Variants in AMBRA1 observed in about 807,000 individuals in gnomAD.
AMBRA1 encodes activating molecule in BECN1-regulated autophagy protein 1.
In AMBRA1, 47 loss-of-function variants were observed where a neutral mutation model predicts 125.4. The ratio of observed to expected loss-of-function variants is 0.37; its 90% confidence interval spans 0.30 to 0.48. The LOEUF is 0.48. AMBRA1 is among the 20% of genes least tolerant of loss of function. The pLI is 0.99. For synonymous variants in AMBRA1, 626 were observed against 655.5 expected (o/e 0.95, Z 0.69); for missense variants, 1,331 against 1,693.4 (o/e 0.79, Z 3.76).
chr11:46,508,054 C>T, intron 9 of AMBRA1, 137 bp downstream of exon 9: 1 of 928,576 alleles, frequency 1.1e-6, no homozygotes, highest in Non-Finnish European at 1.6e-6. Flanking sequence ...TGTCCCTCAC[C>T]CCATCCTGCT....
chr11:46,508,300 G>C lies in AMBRA1; in HGVS notation c.2230C>G (p.Arg744Gly). ...CGGTTCTGTTGGTAGCGCATGGAGCGCTGGCGAATACTGTCTCTCCGTGAG... is the reference window on the plus strand; with the variant it reads ...CGGTTCTGTTGGTAGCGCATGGAGCCCTGGCGAATACTGTCTCTCCGTGAG... Reference protein sequence around the residue: ...YLSRRDSIRQRSMRYQQNRLR... With the variant: ...YLSRRDSIRQGSMRYQQNRLR... Residue 744 changes from arginine to glycine, a missense_variant, in exon 9 of 18, where the codon CGC (arginine) becomes GGC (glycine). Arg to Gly is a moderately radical substitution (Grantham distance 125). Coordinates refer to ENST00000683756, the MANE Select transcript of AMBRA1 (RefSeq NM_001387011.1). 6.2e-7 allele frequency: 1 copy of C among 1,614,198 alleles called. No individual in the cohort carries two copies. Among genetic ancestry groups the C allele is most frequent in the Non-Finnish European group, 8.5e-7 (1 of 1,180,018 alleles).
intron 11 of AMBRA1, among the ~76,000 whole-genome samples, chr11:46,444,270 T>C (rs1309354524): frequency 6.6e-6 from 1 of 152,246 alleles, no homozygotes; most frequent in Non-Finnish European, 1.5e-5. Flanking sequence ...TTATAATACC[T>C]ACCCCCTAAG....
intron 11 of AMBRA1, among the ~76,000 whole-genome samples, chr11:46,461,370 T>C (rs576993454): frequency 6.6e-6 from 1 of 152,268 alleles, no homozygotes; most frequent in Non-Finnish European, 1.5e-5. Flanking sequence ...ATGTCATATA[T>C]ATGCCTGTAT....
At chr11:46,574,407 T>C (rs1305374364) in intron 1 of AMBRA1, among the ~76,000 whole-genome samples, 2 of 151,804 alleles carry the variant, frequency 1.3e-5, no homozygotes, top group Non-Finnish European at 2.9e-5. Flanking sequence ...TGCATTCCTC[T>C]GATGGCCAGT....
rs551198774 is a variant in AMBRA1, at chr11:46,407,205, AAAAT to A, written c.3403+1304_3403+1307del. Among the ~76,000 whole-genome samples the A allele has an allele frequency of 1.9e-3, 285 of 152,222 alleles. 1 individual carries two copies. Among genetic ancestry groups the A allele is most frequent in the Middle Eastern group, 6.8e-3 (2 of 294 alleles). ...GGTGACAGAGTGAGACTCTGTCTCA[AAAAT>A]AAATAAATAAATAAATAAAAATAAA... On this transcript the variant is annotated intron_variant, in intron 17 of 17. Transcript: ENST00000683756.
At chr11:46,592,388 A>C (rs2044634086) in intron 1 of AMBRA1, among the ~76,000 whole-genome samples, 1 of 152,118 alleles carries the variant, frequency 6.6e-6, no homozygotes, top group Non-Finnish European at 1.5e-5. Context: ...CTTTCATTTA[A>C]ATATCTCAAT....
At chr11:46,565,258 A>G (rs1329516356) in intron 1 of AMBRA1, among the ~76,000 whole-genome samples, 3 of 146,244 alleles carry the variant, frequency 2.1e-5, no homozygotes, top group Non-Finnish European at 4.5e-5. Flanking sequence ...AATTCCCTCT[A>G]AAAAAAAAAC....
chr11:46,448,426 A>T (rs1158210933), intron 11 of AMBRA1, among the ~76,000 whole-genome samples: 1 of 152,234 alleles, frequency 6.6e-6, no homozygotes, highest in Admixed American at 6.5e-5. Context: ...TGAAAATGAA[A>T]ACATGACTTC....
chr11:46,538,680 T>C (rs1952600495), intron 7 of AMBRA1, among the ~76,000 whole-genome samples: 1 of 152,158 alleles, frequency 6.6e-6, no homozygotes, highest in Non-Finnish European at 1.5e-5. Context: ...GTATTTTTAA[T>C]AGAGACGCGG....
intron 7 of AMBRA1, among the ~76,000 whole-genome samples, chr11:46,517,054 T>C (rs1025254541): frequency 1.3e-5 from 2 of 152,100 alleles, no homozygotes; most frequent in Admixed American, 6.5e-5. Flanking sequence ...ATACGAGGGG[T>C]TGTGCTATTT....
At chr11:46,498,812 T>A (rs1183627123) in intron 9 of AMBRA1, among the ~76,000 whole-genome samples, 1 of 152,228 alleles carries the variant, frequency 6.6e-6, no homozygotes, top group African/African-American at 2.4e-5. Flanking sequence ...AGTATACAGT[T>A]GACTTTGCTG....
chr11:46,585,695 A>AAAAAAAAAAAATATATATAT (rs1555017410), intron 1 of AMBRA1, among the ~76,000 whole-genome samples: 2 of 22,916 alleles, frequency 8.7e-5, no homozygotes, highest in Non-Finnish European at 1.6e-4. Flanking sequence ...AAAAAAAAAA[A>AAAAAAAAAAAATATATATAT]ATATATATAT....
At chr11:46,562,496 GA>G (rs1009499683) in intron 1 of AMBRA1, among the ~76,000 whole-genome samples, 3 of 152,194 alleles carry the variant, frequency 2.0e-5, no homozygotes, top group Admixed American at 6.5e-5. Context: ...GTCATACTCA[GA>G]ATATATTTTG....
At chr11:46,576,695 G>A (rs958061337) in intron 1 of AMBRA1, among the ~76,000 whole-genome samples, 4 of 152,158 alleles carry the variant, frequency 2.6e-5, no homozygotes, top group African/African-American at 9.7e-5. Flanking sequence ...TCTATGGAAA[G>A]AGAACATCTG....
At chr11:46,517,384 G>A (rs1268508862) in intron 7 of AMBRA1, among the ~76,000 whole-genome samples, 3 of 149,508 alleles carry the variant, frequency 2.0e-5, no homozygotes, top group African/African-American at 4.9e-5. Flanking sequence ...TCTGACCTCA[G>A]GTGATCCACC....
chr11:46,590,843 G>C (rs1196724177), intron 1 of AMBRA1, among the ~76,000 whole-genome samples: 2 of 151,736 alleles, frequency 1.3e-5, no homozygotes, highest in Non-Finnish European at 2.9e-5. Context: ...AATCCGGGAA[G>C]TGGAGGTTGC....
chr11:46,567,712 C>T (rs953338746), intron 1 of AMBRA1, among the ~76,000 whole-genome samples: 1 of 152,064 alleles, frequency 6.6e-6, no homozygotes, highest in Non-Finnish European at 1.5e-5. Context: ...GATGACCCCA[C>T]CCCAACCAGC....
rs1197621150 is a variant in AMBRA1 at position 46,434,928 on chromosome 11, G to C, written c.2742C>G (p.Gly914=). ...LAAFIPSSQR[G]FPDEGILAVY... is the part of the protein sequence containing the mutation. ...CTGCCAGGATGCCTTCATCAGGAAA[G>C]CCCCTCTGGCTGCTGGGGATGAAAG... The change falls in exon 13 of 18, where the codon GGC becomes GGG. Residue 914 remains glycine (G), a synonymous_variant. Transcript: ENST00000683756. 4.3e-6 allele frequency: 7 copies of C among 1,614,150 alleles called. No homozygotes were observed. The South Asian group carries it at 7.7e-5, about 18-fold the overall frequency.
rs1331359666 is a variant in AMBRA1 at position 46,569,438 on chromosome 11, AAAAT to A, written c.-120-20942_-120-20939del. Among the ~76,000 whole-genome samples the A allele has an allele frequency of 1.6e-3, 219 of 134,222 alleles. 2 individuals are homozygous for A. The highest frequency in any genetic ancestry group is 5.0e-3 in the African/African-American group (165 of 33,146). The allele number at this position is 134,222 out of a possible 152,430, so 88.1% of individuals were successfully genotyped here. ...ATATCACTGAGAGATTAAAAAAAAA[AAAAT>A]ATATATATATATATATATATATAAA... is the stretch of plus-strand genomic sequence containing the variant. On this transcript the variant is annotated intron_variant, in intron 1 of 17. Transcript: ENST00000683756.
Sources: gnomAD v4.1 joint callset for allele counts (sites outside exome capture counted in the v4.1 genomes callset) on GRCh38, gnomAD v4.1.1 for gene constraint, MANE v1.5 for transcripts, NCBI Gene and HGNC (gene_info 2026-07-23, HGNC 2026-07-21) for gene names.